Variants in SLC4A10 observed in about 807,000 individuals in gnomAD.
The protein encoded by SLC4A10 is solute carrier family 4 member 10, also known as sodium-driven chloride bicarbonate exchanger.
A neutral mutation model predicts 137.7 loss-of-function variants in SLC4A10; 42 were observed. The observed-to-expected ratio is 0.30, with a 90% CI of 0.24 to 0.39. SLC4A10 has a LOEUF of 0.39. SLC4A10 is among the 10% of genes least tolerant of loss of function. SLC4A10 has a pLI of 1.00. For missense variants in SLC4A10, 925 were observed against 1,355.0 expected, an observed-to-expected ratio of 0.68 and a Z score of 4.98; for synonymous variants, 474 against 464.1, an observed-to-expected ratio of 1.02 and a Z score of -0.27.
At chr2:161,807,282 T>C (rs2056086194) in intron 3 of SLC4A10, among the ~76,000 whole-genome samples, 1 of 152,136 alleles carries the variant, frequency 6.6e-6, no homozygotes, top group South Asian at 2.1e-4. Context: ...TTGTGAATGC[T>C]CTCTCATTGA....
At position 161,626,607 on chromosome 2, in the gene SLC4A10, C is replaced by T. The variant is rs368619515; in HGVS notation, c.48+2041C>T. Among the ~76,000 whole-genome samples, 56 of 152,252 alleles carry T rather than the reference C, an allele frequency of 3.7e-4. 1 individual carries two copies. In the South Asian group the frequency reaches 0.011, roughly 29 times the overall value. On this transcript the variant is annotated intron_variant, in intron 1 of 26. Coordinates refer to ENST00000446997, the MANE Select transcript of SLC4A10 (RefSeq NM_001178015.2). ...TTTTATACTTGTATAGCAACTCCCC[C>T]AGTTGCTTTTATGAAAACCTTTTTT... is the stretch of plus-strand genomic sequence containing the variant.
At chr2:161,651,917 T>C (rs2036858415) in intron 1 of SLC4A10, among the ~76,000 whole-genome samples, 2 of 152,178 alleles carry the variant, frequency 1.3e-5, no homozygotes, top group Non-Finnish European at 2.9e-5. Flanking sequence ...TGAGCAATAC[T>C]CAGGCAGAAG....
rs745621691 is a variant in SLC4A10, at chr2:161,875,402, GA to G, written c.948+1405del. 4.2e-4 allele frequency among the ~76,000 whole-genome samples: 63 copies of G among 151,500 alleles called. 1 individual carries two copies. The highest frequency in any genetic ancestry group is 1.5e-4 in the Non-Finnish European group (10 of 67,792). ...GATTCCAAACATTTTGAGGTGTTAA[GA>G]AAAAAAAGGTCTTTATTCATCTTAT... On this transcript the variant is annotated intron_variant, in intron 8 of 26. Transcript: ENST00000446997.
intron 1 of SLC4A10, among the ~76,000 whole-genome samples, chr2:161,626,349 C>T (rs1358367778): frequency 1.3e-5 from 2 of 152,060 alleles, no homozygotes; most frequent in African/African-American, 4.8e-5. Flanking sequence ...GCTAGATGGG[C>T]AACCAATTTA....
chr2:161,865,629 G>A (rs1003927721), intron 6 of SLC4A10, among the ~76,000 whole-genome samples: 3 of 151,928 alleles, frequency 2.0e-5, no homozygotes, highest in Non-Finnish European at 2.9e-5. Flanking sequence ...GCATAATTAT[G>A]TGTGTTGAGA....
intron 1 of SLC4A10, among the ~76,000 whole-genome samples, chr2:161,684,704 A>C (rs2041203937): frequency 6.6e-6 from 1 of 152,192 alleles, no homozygotes; most frequent in African/African-American, 2.4e-5. Context: ...TTCAATGAAA[A>C]TGCTTGACTC....
At chr2:161,849,989 A>T (rs935705666) in intron 4 of SLC4A10, among the ~76,000 whole-genome samples, 1 of 151,206 alleles carries the variant, frequency 6.6e-6, no homozygotes, top group East Asian at 2.0e-4. Context: ...CATCTGGTAG[A>T]ATTTGGCTGT....
chr2:161,767,133 ATATATATGTGTG>A (rs1203095480), intron 1 of SLC4A10, among the ~76,000 whole-genome samples: 1 of 90,268 alleles, frequency 1.1e-5, no homozygotes, highest in African/African-American at 5.2e-5. Flanking sequence ...ATATATATAT[ATATATATGTGTG>A]TGTGTGTGTG....
rs568731522 is a variant in SLC4A10, at chr2:161,720,824, C to T, written c.49-50149C>T. ...TACAGCACGCCAATGAGTCTTGACT[C>T]TTTTTTTTTTTTCTTTTTTTTCTTG... On this transcript the variant is annotated intron_variant, in intron 1 of 26. Coordinates refer to ENST00000446997, the MANE Select transcript of SLC4A10 (RefSeq NM_001178015.2). Among the ~76,000 whole-genome samples, 530 of 145,268 alleles carry T rather than the reference C, an allele frequency of 3.6e-3. 6 individuals are homozygous for T. The highest frequency in any genetic ancestry group is 0.013 in the African/African-American group (502 of 39,688).
intron 6 of SLC4A10, among the ~76,000 whole-genome samples, chr2:161,871,694 A>G (rs2061137877): frequency 6.6e-6 from 1 of 152,102 alleles, no homozygotes; most frequent in South Asian, 2.1e-4. Flanking sequence ...CTTATATAAT[A>G]GAATAGTCAG....
chr2:161,908,424 T>C (rs1472754645), intron 15 of SLC4A10, among the ~76,000 whole-genome samples: 2 of 95,888 alleles, frequency 2.1e-5, no homozygotes. Context: ...CATCACACAC[T>C]GGGGACTGTT....
At chr2:161,843,244 G>A (rs977696861) in intron 4 of SLC4A10, among the ~76,000 whole-genome samples, 2 of 152,080 alleles carry the variant, frequency 1.3e-5, no homozygotes, top group Non-Finnish European at 2.9e-5. Context: ...TTGCAGAAGC[G>A]ATACTAGAAT....
At chr2:161,760,231 T>A (rs953568147) in intron 1 of SLC4A10, among the ~76,000 whole-genome samples, 2 of 152,072 alleles carry the variant, frequency 1.3e-5, no homozygotes, top group Admixed American at 1.3e-4. Flanking sequence ...TTATTTCTTT[T>A]GAATTTTTTA....
chr2:161,889,184 G>A (rs1023222840), intron 10 of SLC4A10, among the ~76,000 whole-genome samples: 1 of 152,124 alleles, frequency 6.6e-6, no homozygotes, highest in Admixed American at 6.6e-5. Context: ...GATTTGGTTT[G>A]CCAGTATTTT....
chr2:161,722,612 C>T (rs1399873217), intron 1 of SLC4A10, among the ~76,000 whole-genome samples: 1 of 152,206 alleles, frequency 6.6e-6, no homozygotes, highest in African/African-American at 2.4e-5. Context: ...TACAAGGTGT[C>T]TGGTGACCCC....
intron 3 of SLC4A10, among the ~76,000 whole-genome samples, chr2:161,808,698 T>C (rs189971306): frequency 6.6e-6 from 1 of 152,148 alleles, no homozygotes; most frequent in Non-Finnish European, 1.5e-5. Context: ...TTAATTTTTT[T>C]AGGATAATGA....
chr2:161,924,665 C>G (rs1028640332), intron 15 of SLC4A10, among the ~76,000 whole-genome samples: 1 of 152,090 alleles, frequency 6.6e-6, no homozygotes, highest in Non-Finnish European at 1.5e-5. Context: ...ACGTAGGTAA[C>G]TAACGTCCAC....
chr2:161,975,050 G>A (rs916189965), intron 24 of SLC4A10, among the ~76,000 whole-genome samples: 3 of 152,202 alleles, frequency 2.0e-5, no homozygotes, highest in Middle Eastern at 3.4e-3. Context: ...ACTTTTTTAT[G>A]AGAAGGGAAT....
chr2:161,763,731 CT>C (rs1659972265), intron 1 of SLC4A10, among the ~76,000 whole-genome samples: 2 of 152,106 alleles, frequency 1.3e-5, no homozygotes, highest in Admixed American at 6.6e-5. Flanking sequence ...CATGGCTGAA[CT>C]TAACCAGAAG....
Sources: allele counts gnomAD v4.1 joint callset (sites outside exome capture counted in the v4.1 genomes callset), GRCh38; gene constraint gnomAD v4.1.1; transcripts MANE v1.5; gene names NCBI Gene and HGNC (gene_info 2026-07-23, HGNC 2026-07-21).